Variants in PCDHA8 observed in about 807,000 individuals in gnomAD.
PCDHA8 encodes protocadherin alpha 8.
Under a neutral mutation model 61.8 loss-of-function variants are expected in PCDHA8, and 53 were observed. The observed-to-expected ratio is 0.86, with a 90% confidence interval of 0.69 to 1.08. The LOEUF is 1.08. PCDHA8 is among the 50% of genes least tolerant of loss of function. PCDHA8 has a pLI of 0.00. For synonymous variants in PCDHA8, 618 were observed against 556.6 expected, an observed-to-expected ratio of 1.11 and a Z score of -1.55; for missense variants, 1,293 against 1,245.0, an observed-to-expected ratio of 1.04 and a Z score of -0.58.
chr5:140,942,601 G>T (rs562403777), intron 1 of PCDHA8, among the ~76,000 whole-genome samples: 1 of 130,586 alleles, frequency 7.7e-6, no homozygotes, highest in South Asian at 2.4e-4. Flanking sequence ...TAATTATAGT[G>T]TTTATATTTG....
chr5:140,928,014 G>A (rs1554205371), intron 1 of PCDHA8: 1 of 1,614,150 alleles, frequency 6.2e-7, no homozygotes, highest in Non-Finnish European at 8.5e-7. Flanking sequence ...CTAATGGTAG[G>A]GTCATTTGTG....
At chr5:140,896,450 C>T (rs1009231622) in intron 1 of PCDHA8, among the ~76,000 whole-genome samples, 1 of 152,092 alleles carries the variant, frequency 6.6e-6, no homozygotes, top group East Asian at 1.9e-4. Flanking sequence ...GCAACCTCCA[C>T]CTCCTGGGTT....
At chr5:140,885,736 C>T (rs1457106867) in intron 1 of PCDHA8, among the ~76,000 whole-genome samples, 1 of 152,060 alleles carries the variant, frequency 6.6e-6, no homozygotes, top group African/African-American at 2.4e-5. Context: ...AATGATATTT[C>T]ACTGTTACTT....
At chr5:140,849,477 C>T in intron 1 of PCDHA8, 1 of 1,590,036 alleles carries the variant, frequency 6.3e-7, no homozygotes, top group Middle Eastern at 1.7e-4. Context: ...TAAAGGCTTC[C>T]CACCCCTGGC....
intron 1 of PCDHA8, chr5:140,877,982 T>C (rs1320294784): frequency 1.6e-6 from 2 of 1,221,162 alleles, no homozygotes; most frequent in African/African-American, 3.1e-5. Context: ...CTTACTCATT[T>C]TGAACTTTTA....
At chr5:140,897,759 G>A (rs1238732675) in intron 1 of PCDHA8, among the ~76,000 whole-genome samples, 7 of 152,228 alleles carry the variant, frequency 4.6e-5, no homozygotes, top group South Asian at 2.1e-4. Flanking sequence ...CTGAGGAATC[G>A]CCACACTGAC....
At chr5:140,859,929 A>C (rs568538695) in intron 1 of PCDHA8, 3 of 152,046 alleles carry the variant, frequency 2.0e-5, no homozygotes, top group African/African-American at 7.2e-5. Context: ...TAATATAAAA[A>C]ACTTAGTAAA....
At chr5:141,006,406 G>A (rs553100919) in intron 3 of PCDHA8, among the ~76,000 whole-genome samples, 1 of 152,050 alleles carries the variant, frequency 6.6e-6, no homozygotes, top group East Asian at 1.9e-4. Context: ...GTAGAGACGC[G>A]GTTTCACTGT....
rs1171652738 is a variant in PCDHA8 at position 140,842,111 on chromosome 5, C to A, written c.790C>A (p.Leu264Met). The change falls in exon 1 of 4, where the codon CTG becomes ATG. Residue 264 changes from leucine (L) to methionine (M), a missense_variant. Physicochemically the swap from Leu to Met is conservative, Grantham distance 15. Transcript: ENST00000531613. ...NADNGTTVIK[L>M]NASDPDEGAN... ...AGACAACGGAACAACAGTTATCAAA[C>A]TGAATGCTTCTGATCCGGATGAAGG... is the stretch of plus-strand genomic sequence containing the variant. The A allele has an allele frequency of 3.1e-6, 5 of 1,613,758 alleles. No individual in the cohort carries two copies. In the Admixed American group the frequency reaches 8.3e-5, roughly 27 times the overall value.
intron 3 of PCDHA8, among the ~76,000 whole-genome samples, chr5:141,006,117 T>C (rs2098255751): frequency 6.6e-6 from 1 of 152,094 alleles, no homozygotes; most frequent in African/African-American, 2.4e-5. Flanking sequence ...TTTTTTTTTT[T>C]TTCTCAAGGC....
intron 1 of PCDHA8, among the ~76,000 whole-genome samples, chr5:140,921,757 T>C (rs1361449960): frequency 6.6e-6 from 1 of 152,122 alleles, no homozygotes; most frequent in Non-Finnish European, 1.5e-5. Context: ...GGACACTTCT[T>C]GGCTACTATT....
rs782362312 is a variant in PCDHA8 at position 140,884,131 on chromosome 5, G to T, written c.2394+40416G>T. 4 of 1,613,396 alleles carry T rather than the reference G, an allele frequency of 2.5e-6. No individual in the cohort carries two copies. In the South Asian group the frequency reaches 3.3e-5, roughly 13 times the overall value. On this transcript the variant is annotated intron_variant, in intron 1 of 3. Coordinates refer to ENST00000531613, the MANE Select transcript of PCDHA8 (RefSeq NM_018911.3). ...TGGCGGCGGTCGGCGCGCGCATCCCGTTCCGCGTGGGGCTGTACACTGGCG... is the reference window on the plus strand; with the variant it reads ...TGGCGGCGGTCGGCGCGCGCATCCCTTTCCGCGTGGGGCTGTACACTGGCG...
chr5:140,857,420 G>T lies in PCDHA8; in HGVS notation c.2394+13705G>T. The T allele has an allele frequency of 6.9e-6, 11 of 1,598,360 alleles. 1 individual carries two copies. Among genetic ancestry groups the T allele is most frequent in the Non-Finnish European group, 8.6e-6 (10 of 1,167,812 alleles). On this transcript the variant is annotated intron_variant, in intron 1 of 3. Coordinates refer to ENST00000531613, the MANE Select transcript of PCDHA8 (RefSeq NM_018911.3). Reference sequence around the variant, plus strand: ...CAACGCGCCTGCGTTCGCGCAGTCCGAGTACACGGTGTTCGTGAAGGAGAA... The same window carrying T: ...CAACGCGCCTGCGTTCGCGCAGTCCTAGTACACGGTGTTCGTGAAGGAGAA...
intron 1 of PCDHA8, chr5:140,883,247 A>C: frequency 6.2e-7 from 1 of 1,614,084 alleles, no homozygotes; most frequent in Non-Finnish European, 8.5e-7. Context: ...TGACAAAGGA[A>C]ATATTCCAAT....
chr5:140,903,339 A>T (rs1176958912), intron 1 of PCDHA8, among the ~76,000 whole-genome samples: 1 of 152,206 alleles, frequency 6.6e-6, no homozygotes, highest in African/African-American at 2.4e-5. Context: ...GAAAGGATGC[A>T]TTTTAAAAAA....
At chr5:140,966,356 C>G (rs1300973653) in intron 1 of PCDHA8, 2 of 400,342 alleles carry the variant, frequency 5.0e-6, no homozygotes, top group Non-Finnish European at 8.8e-6. Flanking sequence ...GGAGATGGGG[C>G]TGGAGAGGCT....
chr5:140,882,157 C>G, intron 1 of PCDHA8: 5 of 1,504,750 alleles, frequency 3.3e-6, no homozygotes, highest in Non-Finnish European at 8.9e-7. Flanking sequence ...AAGCGGAATA[C>G]CTCTTGCGAA....
rs2093245729 is a variant in PCDHA8 at position 140,942,201 on chromosome 5, G to A, written c.2395-36748G>A. Among the ~76,000 whole-genome samples, 3 of 151,938 alleles carry A rather than the reference G, an allele frequency of 2.0e-5. No individual in the cohort carries two copies. The South Asian group carries it at 6.2e-4, about 32-fold the overall frequency. On this transcript the variant is annotated intron_variant, in intron 1 of 3. Coordinates refer to ENST00000531613, the MANE Select transcript of PCDHA8 (RefSeq NM_018911.3). Reference sequence around the variant, plus strand: ...GACATTTTATTTAAAATACATTTTTGAGCATAAGATATTTAAAATGTGTAG... The same window carrying A: ...GACATTTTATTTAAAATACATTTTTAAGCATAAGATATTTAAAATGTGTAG...
chr5:140,855,331 A>C (rs1554147752), intron 1 of PCDHA8, among the ~76,000 whole-genome samples: 1 of 149,982 alleles, frequency 6.7e-6, no homozygotes, highest in Non-Finnish European at 1.5e-5. Flanking sequence ...GGGAGAGGTT[A>C]AACGATTTTC....
Sources: gnomAD v4.1 joint callset for allele counts (sites outside exome capture counted in the v4.1 genomes callset) on GRCh38, gnomAD v4.1.1 for gene constraint, MANE v1.5 for transcripts, NCBI Gene and HGNC (gene_info 2026-07-23, HGNC 2026-07-21) for gene names.